Variants in STXBP6 observed in about 807,000 individuals in gnomAD.
The protein encoded by STXBP6 is syntaxin binding protein 6.
Under a neutral mutation model 26.9 loss-of-function variants are expected in STXBP6, and 21 were observed. That is an observed-to-expected ratio of 0.78 (90% CI 0.55 to 1.12). The LOEUF is 1.12. Ranked by LOEUF, STXBP6 falls within the 50% of genes most tolerant of loss-of-function variation. STXBP6 has a pLI of 0.00. For synonymous variants in STXBP6, 97 were observed against 92.6 expected (o/e 1.05, Z -0.27); for missense variants, 232 against 257.9 (o/e 0.90, Z 0.69).
chr14:24,916,186 G>A (rs1331398605), intron 2 of STXBP6, among the ~76,000 whole-genome samples: 1 of 152,098 alleles, frequency 6.6e-6, no homozygotes, highest in Non-Finnish European at 1.5e-5. Flanking sequence ...TTTGTGATAA[G>A]GGCATCTGGT....
At chr14:25,040,683 A>T (rs1175811612) in intron 1 of STXBP6, among the ~76,000 whole-genome samples, 1 of 152,228 alleles carries the variant, frequency 6.6e-6, no homozygotes, top group African/African-American at 2.4e-5. Flanking sequence ...ATCACAGAAG[A>T]AAAGCAGCTC....
rs896967497 is a variant in STXBP6 at position 25,024,181 on chromosome 14, C to T, written c.-33+25697G>A. Among the ~76,000 whole-genome samples the T allele has an allele frequency of 1.5e-4, 23 of 151,974 alleles. 1 individual carries two copies. The highest frequency in any genetic ancestry group is 6.6e-4 in the Admixed American group (10 of 15,248). On this transcript the variant is annotated intron_variant, in intron 1 of 5. Coordinates refer to ENST00000323944, the MANE Select transcript of STXBP6 (RefSeq NM_001394410.1). Reference sequence around the variant, plus strand: ...AAAATTAGCCGGGCATGGTGGCACACGCCTGTAGTCCCAGCTACTCAGGAT... The same window carrying T: ...AAAATTAGCCGGGCATGGTGGCACATGCCTGTAGTCCCAGCTACTCAGGAT...
chr14:25,007,029 C>T (rs2074917084), intron 1 of STXBP6, among the ~76,000 whole-genome samples: 2 of 152,292 alleles, frequency 1.3e-5, no homozygotes, highest in South Asian at 2.1e-4. Context: ...GGCAAAAATG[C>T]GAAATCAGCA....
At chr14:24,881,229 CT>C (rs2070345016) in intron 2 of STXBP6, among the ~76,000 whole-genome samples, 1 of 152,062 alleles carries the variant, frequency 6.6e-6, no homozygotes, top group Non-Finnish European at 1.5e-5. Context: ...TCAGAGGCAG[CT>C]TTCTCTATAC....
At chr14:24,959,370 T>C (rs1440590138) in intron 2 of STXBP6, among the ~76,000 whole-genome samples, 1 of 152,116 alleles carries the variant, frequency 6.6e-6, no homozygotes, top group African/African-American at 2.4e-5. Context: ...CGAATGGTAG[T>C]TGGACAGGTC....
chr14:24,900,836 C>T (rs2071186066), intron 2 of STXBP6, among the ~76,000 whole-genome samples: 1 of 152,178 alleles, frequency 6.6e-6, no homozygotes, highest in Non-Finnish European at 1.5e-5. Context: ...CAGTGTCTGT[C>T]TTTTCTAAAG....
chr14:24,861,684 C>T (rs898248049), intron 2 of STXBP6, among the ~76,000 whole-genome samples: 4 of 152,198 alleles, frequency 2.6e-5, no homozygotes, highest in Admixed American at 1.3e-4. Flanking sequence ...GCTTTCAGAA[C>T]AGGGAAACAT....
chr14:25,036,379 G>A (rs2140487750), intron 1 of STXBP6, among the ~76,000 whole-genome samples: 1 of 152,232 alleles, frequency 6.6e-6, no homozygotes, highest in African/African-American at 2.4e-5. Context: ...AAGCACATAT[G>A]TCTTTCTTCC....
chr14:24,895,176 T>C (rs925188653), intron 2 of STXBP6, among the ~76,000 whole-genome samples: 5 of 152,212 alleles, frequency 3.3e-5, no homozygotes, highest in Non-Finnish European at 7.3e-5. Context: ...ATAGTGGTAT[T>C]TTCCAATATC....
rs900497869 is a variant in STXBP6, at chr14:25,049,383, T to G, written c.-33+495A>C. ...CCGCCAGAAAAGCTCGCCTCAGTTT[T>G]GGCAGTAATGATTTTCCTAGAAGAT... On this transcript the variant is annotated intron_variant, in intron 1 of 5. Coordinates refer to ENST00000323944, the MANE Select transcript of STXBP6 (RefSeq NM_001394410.1). This position sits in a 1 kb window ranked among gnomAD's most constrained non-coding sequence, Gnocchi z 5.6. 4 of 985,250 alleles carry G rather than the reference T, an allele frequency of 4.1e-6. No individual in the cohort carries two copies. The African/African-American group carries it at 7.0e-5, about 17-fold the overall frequency. 61.0% of individuals were successfully genotyped at this position (985,250 alleles called of 1,614,324 possible). A position where few individuals can be genotyped will look rare whatever the true frequency, so the allele number is the denominator to read the frequency against.
intron 2 of STXBP6, among the ~76,000 whole-genome samples, chr14:24,931,860 T>C (rs574960808): frequency 1.7e-4 from 26 of 152,140 alleles, no homozygotes; most frequent in African/African-American, 5.5e-4. Context: ...TGGTCAGCTA[T>C]ACAAAGAATC....
At chr14:24,872,558 T>C (rs2069976181) in intron 2 of STXBP6, among the ~76,000 whole-genome samples, 1 of 152,166 alleles carries the variant, frequency 6.6e-6, no homozygotes, top group Non-Finnish European at 1.5e-5. Flanking sequence ...ACTGACACAG[T>C]GACTAACAAA....
rs115850528 is a variant in STXBP6, at chr14:24,830,378, T to A, written c.452-11184A>T. The stretch of plus-strand genomic sequence containing the variant: ...TCAGGTAAGAGATAAAGGTGGCCTG[T>A]ACTAGGATGATGTCAGTGAGATGAG... On this transcript the variant is annotated intron_variant, in intron 4 of 5. Transcript: ENST00000323944. Among the ~76,000 whole-genome samples, 847 of 152,252 alleles carry A rather than the reference T, an allele frequency of 5.6e-3. 11 individuals are homozygous for A. The highest frequency in any genetic ancestry group is 0.018 in the African/African-American group (736 of 41,540).
At chr14:25,003,792 CACA>C (rs1203267270) in intron 1 of STXBP6, among the ~76,000 whole-genome samples, 1 of 152,134 alleles carries the variant, frequency 6.6e-6, no homozygotes, top group East Asian at 1.9e-4. Flanking sequence ...AGGCCAGTGT[CACA>C]ACAACAAGAC....
At chr14:24,905,111 T>C (rs1320336523) in intron 2 of STXBP6, among the ~76,000 whole-genome samples, 1 of 152,142 alleles carries the variant, frequency 6.6e-6, no homozygotes, top group Non-Finnish European at 1.5e-5. Flanking sequence ...TCTTCCATGG[T>C]TTGTATAAGT....
intron 4 of STXBP6, among the ~76,000 whole-genome samples, chr14:24,834,780 G>A (rs139612327): frequency 1.3e-5 from 2 of 152,266 alleles, no homozygotes; most frequent in Non-Finnish European, 2.9e-5. Context: ...GGAGACCTGT[G>A]GGGGAGAAGG....
chr14:24,981,398 G>A (rs942108448), intron 1 of STXBP6, among the ~76,000 whole-genome samples: 1 of 151,946 alleles, frequency 6.6e-6, no homozygotes, highest in Admixed American at 6.5e-5. Context: ...AGCCTCCTGA[G>A]TAGCTGGAAT....
chr14:24,906,170 GCTCT>G (rs1354915241), intron 2 of STXBP6, among the ~76,000 whole-genome samples: 16 of 152,012 alleles, frequency 1.1e-4, no homozygotes, highest in Admixed American at 8.5e-4. Flanking sequence ...GTCTTAGAAT[GCTCT>G]CTATTTTTTC....
intron 1 of STXBP6, among the ~76,000 whole-genome samples, chr14:25,015,534 GA>G (rs1012209744): frequency 7.4e-5 from 11 of 148,616 alleles, no homozygotes; most frequent in South Asian, 2.1e-4. Context: ...TTATTTTTTA[GA>G]AAAAAAAAAT....
Sources: gnomAD v4.1 joint callset for allele counts (sites outside exome capture counted in the v4.1 genomes callset) on GRCh38, gnomAD v4.1.1 for gene constraint, Gnocchi (gnomAD v3.1) non-coding constraint, MANE v1.5 for transcripts, NCBI Gene and HGNC (gene_info 2026-07-23, HGNC 2026-07-21) for gene names.